Variants in PARD3B observed in about 807,000 individuals in gnomAD.
PARD3B encodes partitioning defective 3 homolog B.
In PARD3B, 103 loss-of-function variants were observed where a neutral mutation model predicts 130.2. That is an observed-to-expected ratio of 0.79 (90% CI 0.67 to 0.93). PARD3B has a LOEUF of 0.93. PARD3B is among the 40% of genes least tolerant of loss of function. The pLI is 0.00. For synonymous variants in PARD3B, 583 were observed against 553.2 expected (o/e 1.05, Z -0.76); for missense variants, 1,609 against 1,499.2 (o/e 1.07, Z -1.21).
In PARD3B at chr2:204,948,580, A is replaced by G. The variant is rs1039479236; in HGVS notation, c.223-16572A>G. ...ATTTTTCCCCAGCACACAGAGACCG[A>G]ACATGAGCATTAAAACAAAAAAAGG... On this transcript the variant is annotated intron_variant, in intron 2 of 22. Transcript: ENST00000406610. Among the ~76,000 whole-genome samples, 5 of 152,190 alleles carry G rather than the reference A, an allele frequency of 3.3e-5. No individual in the cohort carries two copies. The South Asian group carries it at 1.0e-3, about 31-fold the overall frequency.
chr2:204,660,918 C>T (rs959561615), intron 1 of PARD3B, among the ~76,000 whole-genome samples: 4 of 151,984 alleles, frequency 2.6e-5, no homozygotes, highest in African/African-American at 9.7e-5. Flanking sequence ...AAAAATGAAG[C>T]CATTAATTCC....
intron 2 of PARD3B, among the ~76,000 whole-genome samples, chr2:204,760,610 C>G (rs548445655): frequency 6.6e-6 from 1 of 152,160 alleles, no homozygotes; most frequent in Non-Finnish European, 1.5e-5. Flanking sequence ...GAGGCAAATA[C>G]AGTTTTCCTG....
chr2:205,224,370 C>CAAAAAAAAAAAAAAAAAAAAA (rs1231030778), intron 15 of PARD3B, among the ~76,000 whole-genome samples: 1 of 55,992 alleles, frequency 1.8e-5, no homozygotes, highest in Non-Finnish European at 2.9e-5. Context: ...GACTCCGTCT[C>CAAAAAAAAAAAAAAAAAAAAA]AAAAAAAAAA....
At chr2:205,167,661 A>T (rs2034896560) in intron 11 of PARD3B, among the ~76,000 whole-genome samples, 1 of 152,220 alleles carries the variant, frequency 6.6e-6, no homozygotes, top group African/African-American at 2.4e-5. Flanking sequence ...ACAGAGTAGA[A>T]ACTCTTTGTC....
At chr2:204,931,996 A>G (rs1478656160) in intron 2 of PARD3B, among the ~76,000 whole-genome samples, 1 of 152,122 alleles carries the variant, frequency 6.6e-6, no homozygotes, top group Non-Finnish European at 1.5e-5. Flanking sequence ...CTAGAAAGAG[A>G]CAATCTAATA....
chr2:204,607,600 T>C (rs2033773883), intron 1 of PARD3B, among the ~76,000 whole-genome samples: 1 of 151,768 alleles, frequency 6.6e-6, no homozygotes, highest in Non-Finnish European at 1.5e-5. Flanking sequence ...TATGTAGAGG[T>C]TAAGAAAAGG....
At chr2:205,541,158 A>G (rs1224751772) in intron 21 of PARD3B, among the ~76,000 whole-genome samples, 1 of 152,118 alleles carries the variant, frequency 6.6e-6, no homozygotes, top group Non-Finnish European at 1.5e-5. Flanking sequence ...AATGGAAAGA[A>G]ATTTAGGACA....
chr2:205,519,177 C>T (rs760006108), intron 21 of PARD3B, among the ~76,000 whole-genome samples: 33 of 152,162 alleles, frequency 2.2e-4, no homozygotes, highest in African/African-American at 3.9e-4. Context: ...TCCTGAAATA[C>T]GTTTTCCAAG....
intron 16 of PARD3B, among the ~76,000 whole-genome samples, chr2:205,249,077 T>C (rs1250830817): frequency 1.4e-5 from 2 of 145,746 alleles, no homozygotes; most frequent in Non-Finnish European, 3.0e-5. Flanking sequence ...TGGCACGATC[T>C]CTGCTCACTG....
chr2:204,557,745 A>G (rs1003481442), intron 1 of PARD3B, among the ~76,000 whole-genome samples: 15 of 152,200 alleles, frequency 9.9e-5, no homozygotes, highest in African/African-American at 3.1e-4. Context: ...CATTTGCTGT[A>G]GGCAGTAGTT....
intron 16 of PARD3B, among the ~76,000 whole-genome samples, chr2:205,248,774 A>AT (rs2039694749): frequency 6.7e-6 from 1 of 149,368 alleles, no homozygotes; most frequent in African/African-American, 2.5e-5. Flanking sequence ...CGCCTGGCTA[A>AT]TTTTTTGTAT....
intron 2 of PARD3B, among the ~76,000 whole-genome samples, chr2:204,908,850 C>T (rs1046756424): frequency 1.3e-5 from 2 of 152,150 alleles, no homozygotes; most frequent in African/African-American, 4.8e-5. Flanking sequence ...TGTTAGATTA[C>T]TTGACCAAGG....
intron 16 of PARD3B, among the ~76,000 whole-genome samples, chr2:205,290,280 G>A (rs958964780): frequency 2.0e-5 from 3 of 152,250 alleles, no homozygotes; most frequent in Admixed American, 2.0e-4. Context: ...GTTCATGTGT[G>A]TTTATCTTTG....
rs2054437944 is a variant in PARD3B, at chr2:205,592,895, T to C, written c.3261-22561T>C. Among the ~76,000 whole-genome samples the C allele has an allele frequency of 6.6e-6, 1 of 152,266 alleles. No homozygotes were observed. Among genetic ancestry groups the C allele is most frequent in the Non-Finnish European group, 1.5e-5 (1 of 68,042 alleles). On this transcript the variant is annotated intron_variant, in intron 22 of 22. Transcript: ENST00000406610. This position sits in a 1 kb window ranked among gnomAD's most constrained non-coding sequence, Gnocchi z 4.5. ...TGTCAGAAGCCACACCTGCAGCAGA[T>C]GCCCCATGGCACTGACTCAGCCTTG...
In PARD3B at chr2:204,785,944, C is replaced by G. The variant is rs536364627; in HGVS notation, c.222+99662C>G. 9.9e-4 allele frequency among the ~76,000 whole-genome samples: 150 copies of G among 151,894 alleles called. 1 individual carries two copies. Among genetic ancestry groups the G allele is most frequent in the Non-Finnish European group, 1.7e-3 (115 of 67,942 alleles). ...CTGGCCAACATGGTGAAACCCCCATCTCTACTAAAAATACAAAAAAATAGC... is the reference window on the plus strand; with the variant it reads ...CTGGCCAACATGGTGAAACCCCCATGTCTACTAAAAATACAAAAAAATAGC... On this transcript the variant is annotated intron_variant, in intron 2 of 22. Transcript: ENST00000406610.
chr2:205,291,265 A>ACACCAACAC lies in PARD3B; in HGVS notation c.2186-9250_2186-9242dup, dbSNP rs1249300671. Among the ~76,000 whole-genome samples, 2 of 152,164 alleles carry ACACCAACAC rather than the reference A, an allele frequency of 1.3e-5. No homozygotes were observed. Among genetic ancestry groups the ACACCAACAC allele is most frequent in the East Asian group, 1.9e-4 (1 of 5,198 alleles). ...AAAAAAGCAACAGCAACGACAAAAA[A>ACACCAACAC]CACCAACACCACCAACACCACCATC... On this transcript the variant is annotated intron_variant, in intron 16 of 22. Coordinates refer to ENST00000406610, the MANE Select transcript of PARD3B (RefSeq NM_001302769.2). The surrounding 1 kb of genome is among the most constrained non-coding windows in gnomAD (Gnocchi z 4.6).
chr2:205,243,657 C>T (rs969948276), intron 15 of PARD3B, among the ~76,000 whole-genome samples: 3 of 152,090 alleles, frequency 2.0e-5, no homozygotes, highest in East Asian at 1.9e-4. Context: ...TAGTTAGTTG[C>T]GTTGTCTTAT....
At position 205,460,629 on chromosome 2, in the gene PARD3B, C is replaced by T. The variant is rs542039461; in HGVS notation, c.3044+19957C>T. ...ATCCTAGGTATAAATCCTAACTCCACAGCTGCTGTGATCTTTGTCCATACA... is the reference window on the plus strand; with the variant it reads ...ATCCTAGGTATAAATCCTAACTCCATAGCTGCTGTGATCTTTGTCCATACA... On this transcript the variant is annotated intron_variant, in intron 20 of 22. Transcript: ENST00000406610. The surrounding 1 kb of genome is among the most constrained non-coding windows in gnomAD (Gnocchi z 4.9). 6.6e-6 allele frequency among the ~76,000 whole-genome samples: 1 copy of T among 152,262 alleles called. No individual in the cohort carries two copies. Among genetic ancestry groups the T allele is most frequent in the South Asian group, 2.1e-4 (1 of 4,820 alleles).
intron 2 of PARD3B, among the ~76,000 whole-genome samples, chr2:204,745,038 G>A (rs1411664363): frequency 6.6e-6 from 1 of 152,244 alleles, no homozygotes; most frequent in East Asian, 1.9e-4. Flanking sequence ...AGGAAATAAA[G>A]ACAGGAAGAG....
Sources: gnomAD v4.1 joint callset for allele counts (sites outside exome capture counted in the v4.1 genomes callset) on GRCh38, gnomAD v4.1.1 for gene constraint, Gnocchi (gnomAD v3.1) non-coding constraint, MANE v1.5 for transcripts, NCBI Gene and HGNC (gene_info 2026-07-23, HGNC 2026-07-21) for gene names.